VWF: variants seen among roughly 807,000 people sequenced by gnomAD.
The protein encoded by VWF is von Willebrand factor.
Under a neutral mutation model 308.6 loss-of-function variants are expected in VWF, and 176 were observed. That is an observed-to-expected ratio of 0.57 (90% CI 0.50 to 0.65). The LOEUF is 0.65. Ranked by LOEUF, VWF falls within the 30% of genes least tolerant of loss-of-function variation. VWF has a pLI of 0.00. For synonymous variants in VWF, 1,385 were observed against 1,443.4 expected (o/e 0.96, Z 0.92); for missense variants, 3,146 against 3,648.2 (o/e 0.86, Z 3.55).
chr12:6,035,176 A>G (rs919668842), intron 19 of VWF, among the ~76,000 whole-genome samples: 10 of 152,096 alleles, frequency 6.6e-5, no homozygotes, highest in African/African-American at 1.9e-4. Context: ...CATCTACCTG[A>G]GATTGGCCAC....
rs1037644191 is a variant in VWF at position 6,075,964 on chromosome 12, C to A, written c.658-413G>T. ...TTCAGCTCCCCTCCCTGACCTTGAT[C>A]TTCTTCACTATGAATGAGGGGGATG... On this transcript the variant is annotated intron_variant, in intron 6 of 51. Transcript: ENST00000261405. The surrounding 1 kb of genome is among the most constrained non-coding windows in gnomAD (Gnocchi z 4.7). 2.0e-5 allele frequency among the ~76,000 whole-genome samples: 3 copies of A among 152,160 alleles called. No individual in the cohort carries two copies. Among genetic ancestry groups the A allele is most frequent in the Admixed American group, 2.0e-4 (3 of 15,282 alleles).
rs112783262 is a variant in VWF, at chr12:6,109,674, G to A, written c.532+700C>T. Among the ~76,000 whole-genome samples the A allele has an allele frequency of 6.2e-3, 941 of 151,760 alleles. 13 individuals carry two copies. Among genetic ancestry groups the A allele is most frequent in the African/African-American group, 0.022 (898 of 41,382 alleles). Reference sequence around the variant, plus strand: ...TAGTGTTTTCTTTTTTTTTTGAGACGGAGTCTCGCTCTGTCGCCCAGGCTG... The same window carrying A: ...TAGTGTTTTCTTTTTTTTTTGAGACAGAGTCTCGCTCTGTCGCCCAGGCTG... On this transcript the variant is annotated intron_variant, in intron 5 of 51. Coordinates refer to ENST00000261405, the MANE Select transcript of VWF (RefSeq NM_000552.5).
rs2094413461 is a variant in VWF at position 6,057,375 on chromosome 12, T to A, written c.1730-303A>T. Reference sequence around the variant, plus strand: ...TGTCGCCCGGGCTGGAGTGCAGAAATGCGATCTTGGCTCACTGCGGCCTTG... The same window carrying A: ...TGTCGCCCGGGCTGGAGTGCAGAAAAGCGATCTTGGCTCACTGCGGCCTTG... On this transcript the variant is annotated intron_variant, in intron 14 of 51. Coordinates refer to ENST00000261405, the MANE Select transcript of VWF (RefSeq NM_000552.5). 2.1e-5 allele frequency among the ~76,000 whole-genome samples: 3 copies of A among 144,028 alleles called. No homozygotes were observed. In the South Asian group the frequency reaches 6.7e-4, roughly 32 times the overall value. The allele number at this position is 144,028 out of a possible 152,430, so 94.5% of individuals were successfully genotyped here.
At chr12:6,110,789 G>T in intron 4 of VWF, 77 bp downstream of exon 4, 1 of 1,493,228 alleles carries the variant, frequency 6.7e-7, no homozygotes, top group Non-Finnish European at 9.3e-7. Flanking sequence ...CTGGGCCCCA[G>T]CTTCCTCATC....
At position 6,058,410 on chromosome 12, in the gene VWF, G is replaced by A. The variant is rs895451654; in HGVS notation, c.1534-366C>T. On this transcript the variant is annotated intron_variant, in intron 13 of 51. Transcript: ENST00000261405. The surrounding 1 kb of genome is among the most constrained non-coding windows in gnomAD (Gnocchi z 4.9). ...TGAGTAGGCAGGTTGAGCCCAGCCC[G>A]AAGCACTCTGCCCTCTGTGCCATCC... Among the ~76,000 whole-genome samples, 5 of 152,154 alleles carry A rather than the reference G, an allele frequency of 3.3e-5. No homozygotes were observed. The East Asian group carries it at 9.7e-4, about 29-fold the overall frequency.
intron 38 of VWF, among the ~76,000 whole-genome samples, chr12:5,986,330 G>A (rs1260268607): frequency 1.3e-5 from 2 of 152,232 alleles, no homozygotes; most frequent in Non-Finnish European, 2.9e-5. Context: ...ACTGTTGTAA[G>A]GAGTGAGAAA....
intron 10 of VWF, among the ~76,000 whole-genome samples, chr12:6,068,543 C>T (rs1430650158): frequency 1.3e-5 from 2 of 152,102 alleles, no homozygotes; most frequent in Non-Finnish European, 2.9e-5. Context: ...CATCTCGGCT[C>T]ACTGAAGACT....
At chr12:5,959,902 T>C (rs974241390) in intron 47 of VWF, among the ~76,000 whole-genome samples, 1 of 151,268 alleles carries the variant, frequency 6.6e-6, no homozygotes, top group African/African-American at 2.4e-5. Flanking sequence ...TAAGCTTCCA[T>C]ATTAAGATGC....
Position 5,971,631 on chromosome 12 carries a change from G to T in VWF, c.7516C>A (p.Pro2506Thr). 1 of 1,614,190 alleles carries T rather than the reference G, an allele frequency of 6.2e-7. No homozygotes were observed. The highest frequency in any genetic ancestry group is 2.2e-5 in the East Asian group (1 of 44,888). ...CAGGAAGACTGGGAGTCCCCCCGCG[G>T]TGAGCCAGTCACCACCTCACAGGCA... The part of the protein sequence containing the change: ...PSACEVVTGS[P>T]RGDSQSSWKS... The change falls in exon 44 of 52, where the codon CCG becomes ACG. Residue 2506 changes from proline (P) to threonine (T), a missense_variant. Pro to Thr is a conservative substitution (Grantham distance 38). This residue lies in a region of VWF where 989 missense variants were observed against 1,117.4 expected (regional missense o/e 0.89). Coordinates refer to ENST00000261405, the MANE Select transcript of VWF (RefSeq NM_000552.5).
intron 20 of VWF, among the ~76,000 whole-genome samples, chr12:6,032,666 G>A (rs1415702483): frequency 3.3e-5 from 5 of 151,844 alleles, no homozygotes; most frequent in Non-Finnish European, 2.9e-5. Context: ...TAAAAACAAG[G>A]TGTGAATCTT....
rs1003328280 is a variant in VWF, at chr12:6,019,401, C to T, written c.4017G>A (p.Glu1339=). The T allele has an allele frequency of 1.5e-5, 24 of 1,613,860 alleles. No homozygotes were observed. The highest frequency in any genetic ancestry group is 2.7e-5 in the African/African-American group (2 of 74,940). ...TCACCTGGCTGGCAATGCGCCGCAG[C>T]TCTGACGGTCGCTTCCGGTCCTTGA... ...IGLKDRKRPS[E]LRRIASQVKY... The change falls in exon 28 of 52, where the codon GAG becomes GAA. Residue 1339 remains glutamate (E), a synonymous_variant. Coordinates refer to ENST00000261405, the MANE Select transcript of VWF (RefSeq NM_000552.5). This position sits in a 1 kb window ranked among gnomAD's most constrained non-coding sequence, Gnocchi z 5.8.
At chr12:5,976,954 AC>A (rs1943540818) in intron 42 of VWF, among the ~76,000 whole-genome samples, 1 of 152,170 alleles carries the variant, frequency 6.6e-6, no homozygotes, top group Non-Finnish European at 1.5e-5. Flanking sequence ...GGACTTAATG[AC>A]AGTTTTGAAA....
intron 2 of VWF, 92 bp from the exon 3 acceptor site, chr12:6,121,430 G>A: frequency 6.7e-7 from 1 of 1,484,696 alleles, no homozygotes; most frequent in East Asian, 2.4e-5. Context: ...AAATTAGACT[G>A]CCTCTGATAG....
At position 6,058,072 on chromosome 12, in the gene VWF, GC is replaced by G. The variant is rs1480871772; in HGVS notation, c.1534-29del. 2 of 1,612,480 alleles carry G rather than the reference GC, an allele frequency of 1.2e-6. No individual in the cohort carries two copies. The highest frequency in any genetic ancestry group is 3.3e-5 in the Admixed American group (2 of 60,014). On this transcript the variant is annotated intron_variant, in intron 13 of 51. Coordinates refer to ENST00000261405, the MANE Select transcript of VWF (RefSeq NM_000552.5). The surrounding 1 kb of genome is among the most constrained non-coding windows in gnomAD (Gnocchi z 4.9). ...GCAGGAGAGACCAGGCCACTCTGGAGCCGCTGCCGCGAAAGCAGCGGCATAG... is the reference window on the plus strand; with the variant it reads ...GCAGGAGAGACCAGGCCACTCTGGAGCGCTGCCGCGAAAGCAGCGGCATAG...
chr12:6,021,991 C>T lies in VWF; in HGVS notation c.3583G>A (p.Asp1195Asn), dbSNP rs374591991. 1 of 1,614,222 alleles carries T rather than the reference C, an allele frequency of 6.2e-7. No individual in the cohort carries two copies. Among genetic ancestry groups the T allele is most frequent in the Admixed American group, 1.7e-5 (1 of 60,032 alleles). ...ELLQTCVDPEDCPVCEVAGRR... is the reference protein window; with the variant it reads ...ELLQTCVDPENCPVCEVAGRR... The stretch of plus-strand genomic sequence containing the variant: ...CCAGCCACCTCACACACTGGACAGT[C>T]TTCAGGGTCAACGCAGGTCTGCAAA... Residue 1195 changes from aspartate to asparagine, a missense_variant, in exon 27 of 52, where the codon GAC becomes AAC. Asp to Asn is a conservative substitution (Grantham distance 23, BLOSUM62 1). This residue lies in a region of VWF where 853 missense variants were observed against 1,177.8 expected (regional missense o/e 0.72). Transcript: ENST00000261405.
At position 6,121,292 on chromosome 12, in the gene VWF, T is replaced by G; in HGVS notation, c.102A>C (p.Arg34=). 1 of 1,614,208 alleles carries G rather than the reference T, an allele frequency of 6.2e-7. No homozygotes were observed. Among genetic ancestry groups the G allele is most frequent in the South Asian group, 1.1e-5 (1 of 91,086 alleles). ...CGAAGTCACTTCCGAAAAGGCTGCATCGGGCCGTGGATGACCTGCCGCGAG... is the reference window on the plus strand; with the variant it reads ...CGAAGTCACTTCCGAAAAGGCTGCAGCGGGCCGTGGATGACCTGCCGCGAG... ...EGTRGRSSTA[R]CSLFGSDFVN... is the part of the protein sequence containing the mutation. The change falls in exon 3 of 52, where the codon CGA becomes CGC. Residue 34 remains arginine (R), a synonymous_variant. Coordinates refer to ENST00000261405, the MANE Select transcript of VWF (RefSeq NM_000552.5).
intron 6 of VWF, among the ~76,000 whole-genome samples, chr12:6,092,608 AGTGAGT>A (rs1489877373): frequency 1.1e-4 from 7 of 62,106 alleles, no homozygotes; most frequent in African/African-American, 4.3e-4. Context: ...CTAGTTAGTG[AGTGAGT>A]GAGAGTGTGT....
rs555882385 is a variant in VWF at position 6,024,420 on chromosome 12, G to T, written c.3223-633C>A. Among the ~76,000 whole-genome samples, 1 of 152,288 alleles carries T rather than the reference G, an allele frequency of 6.6e-6. No homozygotes were observed. The highest frequency in any genetic ancestry group is 2.1e-4 in the South Asian group (1 of 4,824). On this transcript the variant is annotated intron_variant, in intron 24 of 51. Transcript: ENST00000261405. This position sits in a 1 kb window ranked among gnomAD's most constrained non-coding sequence, Gnocchi z 4.0. ...ACACTGAGTGGGTCATTGTTTCCAA[G>T]ACGTTCCAACAGTCTCAATGTCCCC...
intron 10 of VWF, among the ~76,000 whole-genome samples, chr12:6,066,037 G>A (rs377060424): frequency 6.6e-6 from 1 of 152,220 alleles, no homozygotes; most frequent in African/African-American, 2.4e-5. Context: ...CAGCTTCCCA[G>A]CCCAGGCTGA....
Sources: gnomAD v4.1 joint callset for allele counts (sites outside exome capture counted in the v4.1 genomes callset) on GRCh38, gnomAD v4.1.1 for gene constraint, gnomAD v4.1.1 regional missense constraint, Gnocchi (gnomAD v3.1) non-coding constraint, MANE v1.5 for transcripts, NCBI Gene and HGNC (gene_info 2026-07-23, HGNC 2026-07-21) for gene names.